Variants in METTL24 observed in about 807,000 individuals in gnomAD.
METTL24 encodes the protein probable methyltransferase-like protein 24.
In METTL24, 29 loss-of-function variants were observed where a neutral mutation model predicts 32.7. That is an observed-to-expected ratio of 0.89 (90% CI 0.66 to 1.21). The LOEUF (loss-of-function observed/expected upper bound fraction) is 1.21. Among genes scored for constraint, METTL24 ranks in the 50% most tolerant of loss-of-function variants. The pLI is 0.00. For synonymous variants in METTL24, 163 were observed against 179.5 expected (o/e 0.91, Z 0.73); for missense variants, 439 against 468.1 (o/e 0.94, Z 0.57).
Position 110,355,266 on chromosome 6 carries a change from A to G in METTL24, c.318+2689T>C, listed in dbSNP as rs139989782. On this transcript the variant is annotated intron_variant, in intron 1 of 4. Coordinates refer to ENST00000338882, the MANE Select transcript of METTL24 (RefSeq NM_001123364.3). ...TGAACCTTGACCTGAGGAATGTCCAAGGGTGAAAAGGGCAGGAGTCATAAG... is the reference window on the plus strand; with the variant it reads ...TGAACCTTGACCTGAGGAATGTCCAGGGGTGAAAAGGGCAGGAGTCATAAG... Among the ~76,000 whole-genome samples the G allele has an allele frequency of 3.0e-3, 455 of 152,258 alleles. 2 individuals are homozygous for G. The highest frequency in any genetic ancestry group is 0.01 in the African/African-American group (432 of 41,530).
intron 1 of METTL24, among the ~76,000 whole-genome samples, chr6:110,335,275 C>T (rs1195789734): frequency 3.9e-5 from 6 of 152,146 alleles, no homozygotes; most frequent in Non-Finnish European, 7.3e-5. Flanking sequence ...AAGTTAGAAG[C>T]GAAGCTGCCA....
intron 1 of METTL24, among the ~76,000 whole-genome samples, chr6:110,330,529 G>A (rs1772094765): frequency 6.6e-6 from 1 of 152,168 alleles, no homozygotes; most frequent in Non-Finnish European, 1.5e-5. Context: ...AAGCACCTGG[G>A]CTCACTCTAG....
At chr6:110,301,477 C>T (rs9487359) in intron 3 of METTL24, among the ~76,000 whole-genome samples, 35,726 of 152,110 alleles carry the variant, frequency 0.23, 6,828 homozygotes, top group African/African-American at 0.53. Flanking sequence ...CAGTCCAGAT[C>T]CTAGGCCTTC....
chr6:110,334,944 T>C (rs1772183890), intron 1 of METTL24, among the ~76,000 whole-genome samples: 1 of 152,340 alleles, frequency 6.6e-6, no homozygotes, highest in African/African-American at 2.4e-5. Context: ...TTTTTCTGTC[T>C]GAATGCACTA....
In METTL24 at chr6:110,306,513, T is replaced by C. The variant is rs574138973; in HGVS notation, c.558-7363A>G. ...GCACACACATACACATATAAGTTAG[T>C]CATTAAATAGTGGGAAACTTTTATA... On this transcript the variant is annotated intron_variant, in intron 3 of 4. Coordinates refer to ENST00000338882, the MANE Select transcript of METTL24 (RefSeq NM_001123364.3). Among the ~76,000 whole-genome samples, 15 of 152,098 alleles carry C rather than the reference T, an allele frequency of 9.9e-5. No individual in the cohort carries two copies. In the South Asian group the frequency reaches 1.7e-3, roughly 17 times the overall value.
Position 110,299,064 on chromosome 6 carries a change from G to C in METTL24, c.644C>G (p.Ala215Gly). The stretch of plus-strand genomic sequence containing the variant: ...AAGGTGCTGACTCTCCAGAATGTGA[G>C]CTGACTTGACACTAGGATCAAAACG... ...VHRFDPSVKS[A>G]HILESQHLWY... Residue 215 changes from alanine to glycine, a missense_variant, in exon 4 of 5, where the codon GCT becomes GGT. By Grantham distance (60) the Ala-to-Gly change is moderately conservative. Transcript: ENST00000338882. 2 of 1,614,180 alleles carry C rather than the reference G, an allele frequency of 1.2e-6. No homozygotes were observed. The highest frequency in any genetic ancestry group is 1.7e-6 in the Non-Finnish European group (2 of 1,180,026).
Position 110,322,711 on chromosome 6 carries a change from T to G in METTL24, c.417+63A>C, listed in dbSNP as rs1353379452. On this transcript the variant is annotated intron_variant, in intron 2 of 4. Transcript: ENST00000338882. The stretch of plus-strand genomic sequence containing the variant: ...CTGAGAACCTCCCCCACCTCCTTCT[T>G]TCAAAAGAGGCAATCAGGATCTTTC... 2.1e-6 allele frequency: 3 copies of G among 1,413,088 alleles called. No homozygotes were observed. The African/African-American group carries it at 4.3e-5, about 20-fold the overall frequency. 87.5% of individuals were successfully genotyped at this position (1,413,088 alleles called of 1,614,324 possible).
At chr6:110,310,954 T>C (rs1294365189) in intron 3 of METTL24, among the ~76,000 whole-genome samples, 1 of 152,180 alleles carries the variant, frequency 6.6e-6, no homozygotes, top group African/African-American at 2.4e-5. Flanking sequence ...TTACTGGGTA[T>C]AGCAGTGGCA....
chr6:110,333,483 G>A lies in METTL24; in HGVS notation c.319-10611C>T, dbSNP rs148101293. Among the ~76,000 whole-genome samples the A allele has an allele frequency of 6.6e-3, 1,010 of 151,988 alleles. 6 individuals carry two copies. Among genetic ancestry groups the A allele is most frequent in the Non-Finnish European group, 8.6e-3 (583 of 68,000 alleles). On this transcript the variant is annotated intron_variant, in intron 1 of 4. Transcript: ENST00000338882. Reference sequence around the variant, plus strand: ...TATTATTTATTTATGTATTTTTTGAGGGGAGTCTTGCTCAGGCTAGAGTGC... The same window carrying A: ...TATTATTTATTTATGTATTTTTTGAAGGGAGTCTTGCTCAGGCTAGAGTGC...
chr6:110,303,868 G>A (rs887414977), intron 3 of METTL24, among the ~76,000 whole-genome samples: 3 of 152,158 alleles, frequency 2.0e-5, no homozygotes, highest in African/African-American at 7.2e-5. Context: ...GCCTCCTGAC[G>A]GGGAGACACC....
intron 1 of METTL24, among the ~76,000 whole-genome samples, chr6:110,330,290 C>T (rs1042516368): frequency 6.6e-6 from 1 of 152,176 alleles, no homozygotes; most frequent in Admixed American, 6.5e-5. Context: ...GGCAGTGGAC[C>T]CCAGAGAGTG....
chr6:110,310,794 A>G (rs56402180), intron 3 of METTL24, among the ~76,000 whole-genome samples: 40,882 of 152,084 alleles, frequency 0.27, 8,979 homozygotes, highest in African/African-American at 0.61. Context: ...CAGTTCTTAG[A>G]GGTGGAGGAA....
intron 3 of METTL24, among the ~76,000 whole-genome samples, chr6:110,312,692 T>C (rs959139222): frequency 1.3e-5 from 2 of 151,810 alleles, no homozygotes; most frequent in Admixed American, 1.3e-4. Flanking sequence ...TATCAGATGC[T>C]GGGAAGGGTG....
intron 4 of METTL24, among the ~76,000 whole-genome samples, chr6:110,274,232 A>G (rs1450733654): frequency 1.3e-5 from 2 of 152,132 alleles, no homozygotes; most frequent in Admixed American, 1.3e-4. Context: ...AGCTGGGATT[A>G]CAGGTGCCCA....
chr6:110,339,813 CAATT>C (rs142783474), intron 1 of METTL24, among the ~76,000 whole-genome samples: 1,568 of 152,206 alleles, frequency 0.01, 33 homozygotes, highest in African/African-American at 0.037. Context: ...CTCAACTTGT[CAATT>C]AAACGATTGT....
At chr6:110,310,015 C>A (rs1771692778) in intron 3 of METTL24, among the ~76,000 whole-genome samples, 1 of 152,100 alleles carries the variant, frequency 6.6e-6, no homozygotes, top group Non-Finnish European at 1.5e-5. Flanking sequence ...GGGAAACATG[C>A]CCAAAAAGGA....
At chr6:110,323,628 G>A (rs1771969569) in intron 1 of METTL24, among the ~76,000 whole-genome samples, 1 of 152,136 alleles carries the variant, frequency 6.6e-6, no homozygotes, top group Non-Finnish European at 1.5e-5. Context: ...TAAAAAGGGG[G>A]CACTAGTCAG....
chr6:110,314,500 T>C (rs1272768816), intron 3 of METTL24, among the ~76,000 whole-genome samples: 1 of 152,218 alleles, frequency 6.6e-6, no homozygotes, highest in Non-Finnish European at 1.5e-5. Flanking sequence ...AATAACTCGA[T>C]ATCAATTTTT....
Position 110,299,178 on chromosome 6 carries a change from A to T in METTL24, c.558-28T>A, listed in dbSNP as rs1368188229. 4.4e-6 allele frequency: 7 copies of T among 1,598,358 alleles called. No homozygotes were observed. The South Asian group carries it at 7.7e-5, about 18-fold the overall frequency. ...ATAAAGAAAGAGGACGGAAATCAAC[A>T]ACAAAAAATGCAATGAAGCAAAGTG... On this transcript the variant is annotated intron_variant, in intron 3 of 4. Coordinates refer to ENST00000338882, the MANE Select transcript of METTL24 (RefSeq NM_001123364.3).
Sources: gnomAD v4.1 joint callset for allele counts (sites outside exome capture counted in the v4.1 genomes callset) on GRCh38, gnomAD v4.1.1 for gene constraint, MANE v1.5 for transcripts, NCBI Gene and HGNC (gene_info 2026-07-23, HGNC 2026-07-21) for gene names.